The following EPHA5 variants were observed in gnomAD, a reference collection of about 807,000 sequenced individuals.
EPHA5 encodes ephrin type-A receptor 5.
Under a neutral mutation model 105.0 loss-of-function variants are expected in EPHA5, and 60 were observed. That is an observed-to-expected ratio of 0.57 (90% CI 0.46 to 0.71). EPHA5 has a LOEUF of 0.71. EPHA5 is among the 30% of genes least tolerant of loss of function. The pLI, the probability that EPHA5 is intolerant of heterozygous loss-of-function variation, is 0.00. For missense variants in EPHA5, 1,218 were observed against 1,274.7 expected (o/e 0.96, Z 0.68); for synonymous variants, 513 against 449.1 (o/e 1.14, Z -1.80).
chr4:65,657,898 C>T (rs79518110), intron 1 of EPHA5, among the ~76,000 whole-genome samples: 1 of 117,474 alleles, frequency 8.5e-6, no homozygotes, highest in Non-Finnish European at 1.8e-5. Flanking sequence ...TTGGTATATG[C>T]AAAAAAAAAA....
intron 5 of EPHA5, among the ~76,000 whole-genome samples, chr4:65,483,167 A>C (rs913300205): frequency 1.3e-5 from 2 of 152,154 alleles, no homozygotes; most frequent in Admixed American, 1.3e-4. Context: ...AGCTTCATCC[A>C]TGTCCCTACA....
intron 6 of EPHA5, among the ~76,000 whole-genome samples, chr4:65,419,406 T>C (rs1459304525): frequency 6.6e-6 from 1 of 152,178 alleles, no homozygotes; most frequent in African/African-American, 2.4e-5. Context: ...GAAGGAGTGA[T>C]GTCTCTGTGA....
intron 2 of EPHA5, among the ~76,000 whole-genome samples, chr4:65,614,620 G>A (rs1267697588): frequency 6.6e-6 from 1 of 151,740 alleles, no homozygotes; most frequent in Non-Finnish European, 1.5e-5. Flanking sequence ...CCCTACTTTG[G>A]CTATTTATGC....
chr4:65,661,985 T>C (rs750154820), intron 1 of EPHA5, among the ~76,000 whole-genome samples: 1 of 152,164 alleles, frequency 6.6e-6, no homozygotes, highest in East Asian at 1.9e-4. Context: ...AAGAAGACTA[T>C]ATATTATCTT....
intron 11 of EPHA5, among the ~76,000 whole-genome samples, chr4:65,364,414 C>T (rs1438719568): frequency 6.6e-6 from 1 of 151,596 alleles, no homozygotes; most frequent in African/African-American, 2.4e-5. Flanking sequence ...ACCATGCTAA[C>T]ACATTTACAA....
At chr4:65,587,514 A>G (rs957484536) in intron 3 of EPHA5, among the ~76,000 whole-genome samples, 1 of 152,172 alleles carries the variant, frequency 6.6e-6, no homozygotes, top group Non-Finnish European at 1.5e-5. Flanking sequence ...AAATGGATTG[A>G]GAACTTTAAA....
intron 2 of EPHA5, among the ~76,000 whole-genome samples, chr4:65,603,722 T>G (rs11131604): frequency 6.6e-6 from 1 of 151,842 alleles, no homozygotes; most frequent in Non-Finnish European, 1.5e-5. Context: ...AGATTTTATC[T>G]TGCCAAACAA....
intron 1 of EPHA5, among the ~76,000 whole-genome samples, chr4:65,664,437 T>C (rs4475193): frequency 0.27 from 40,386 of 151,730 alleles, 6,107 homozygotes; most frequent in East Asian, 0.56. Context: ...AATGAACCCA[T>C]TTTAATCTGT....
At chr4:65,439,832 G>A (rs909468316) in intron 5 of EPHA5, among the ~76,000 whole-genome samples, 9 of 151,904 alleles carry the variant, frequency 5.9e-5, no homozygotes, top group South Asian at 2.1e-4. Flanking sequence ...AATGCTTAGG[G>A]TTTCTGCATT....
intron 5 of EPHA5, among the ~76,000 whole-genome samples, chr4:65,441,028 T>A (rs1725961150): frequency 6.6e-6 from 1 of 152,146 alleles, no homozygotes; most frequent in Non-Finnish European, 1.5e-5. Context: ...TCCAAACTTA[T>A]TTCTCCACAA....
chr4:65,440,264 A>G (rs1560538496), intron 5 of EPHA5, among the ~76,000 whole-genome samples: 1 of 152,084 alleles, frequency 6.6e-6, no homozygotes, highest in Non-Finnish European at 1.5e-5. Context: ...AAACAAAGGT[A>G]TTCTCGGCTT....
intron 7 of EPHA5, among the ~76,000 whole-genome samples, chr4:65,408,731 C>A (rs1273049295): frequency 6.6e-6 from 1 of 151,948 alleles, no homozygotes; most frequent in East Asian, 1.9e-4. Context: ...AACACTTTTA[C>A]ACTGTTGGGG....
chr4:65,550,171 C>G (rs1164412301), intron 3 of EPHA5, among the ~76,000 whole-genome samples: 1 of 151,276 alleles, frequency 6.6e-6, no homozygotes, highest in Non-Finnish European at 1.5e-5. Flanking sequence ...CTTTACTGAA[C>G]TAAGTCAAAC....
chr4:65,413,759 G>T (rs1426120556), intron 7 of EPHA5, among the ~76,000 whole-genome samples: 4 of 152,018 alleles, frequency 2.6e-5, no homozygotes, highest in Non-Finnish European at 5.9e-5. Flanking sequence ...TATTTTTATA[G>T]AGAAAAAAGT....
At position 65,404,480 on chromosome 4, in the gene EPHA5, C is replaced by T. The variant is rs1722167094; in HGVS notation, c.1688-1G>A. 6.2e-7 allele frequency: 1 copy of T among 1,613,164 alleles called. No homozygotes were observed. Among genetic ancestry groups the T allele is most frequent in the Non-Finnish European group, 8.5e-7 (1 of 1,179,358 alleles). On this transcript the variant is annotated splice_acceptor_variant, in intron 7 of 16. Transcript: ENST00000613740. LOFTEE classifies it high-confidence loss of function. ...CTTTGATCGCTGGATGCTGCAACTG[C>T]TGATAGGAGATACAGAAAATGGAGC... is the stretch of plus-strand genomic sequence containing the variant.
chr4:65,571,169 A>G (rs547060987), intron 3 of EPHA5, among the ~76,000 whole-genome samples: 4 of 152,198 alleles, frequency 2.6e-5, no homozygotes, highest in East Asian at 1.9e-4. Context: ...AGAAACAGAA[A>G]GAAATAGGAA....
intron 6 of EPHA5, among the ~76,000 whole-genome samples, chr4:65,419,716 C>T (rs1333498523): frequency 6.6e-6 from 1 of 152,198 alleles, no homozygotes; most frequent in Non-Finnish European, 1.5e-5. Flanking sequence ...CATCTCTGAG[C>T]CACATACTCC....
intron 3 of EPHA5, among the ~76,000 whole-genome samples, chr4:65,580,609 A>C (rs1004085354): frequency 1.3e-5 from 2 of 151,616 alleles, no homozygotes; most frequent in Non-Finnish European, 3.0e-5. Flanking sequence ...ACACATATCA[A>C]ATAAAATAAA....
chr4:65,355,431 AT>A (rs1723206435), intron 11 of EPHA5, among the ~76,000 whole-genome samples: 1 of 151,672 alleles, frequency 6.6e-6, no homozygotes, highest in Non-Finnish European at 1.5e-5. Flanking sequence ...CTTAAACTTT[AT>A]TTTAACTATA....
Sources: gnomAD v4.1 joint callset for allele counts (sites outside exome capture counted in the v4.1 genomes callset) on GRCh38, gnomAD v4.1.1 for gene constraint, MANE v1.5 for transcripts, NCBI Gene and HGNC (gene_info 2026-07-23, HGNC 2026-07-21) for gene names.